The following CATSPERE variants were observed in gnomAD, a reference collection of about 807,000 sequenced individuals.
CATSPERE encodes cation channel sperm-associated auxiliary subunit epsilon.
Under a neutral mutation model 114.1 loss-of-function variants are expected in CATSPERE, and 93 were observed. That is an observed-to-expected ratio of 0.81 (90% CI 0.69 to 0.97). CATSPERE has a LOEUF of 0.97. CATSPERE is among the 50% of genes least tolerant of loss of function. The pLI, the probability that CATSPERE is intolerant of heterozygous loss-of-function variation, is 0.00. For missense variants in CATSPERE, 1,058 were observed against 1,131.6 expected, an observed-to-expected ratio of 0.93 and a Z score of 0.93; for synonymous variants, 341 against 384.1, an observed-to-expected ratio of 0.89 and a Z score of 1.31.
chr1:244,537,464 G>T (rs1417690237), intron 8 of CATSPERE, among the ~76,000 whole-genome samples: 1 of 152,102 alleles, frequency 6.6e-6, no homozygotes, highest in African/African-American at 2.4e-5. Context: ...TCTGGTTTTG[G>T]TTATTAGGGC....
At chr1:244,556,125 G>C (rs1363214463) in intron 9 of CATSPERE, among the ~76,000 whole-genome samples, 1 of 152,116 alleles carries the variant, frequency 6.6e-6, no homozygotes, top group Non-Finnish European at 1.5e-5. Context: ...TTGAGCCCAG[G>C]AGTTCAAGGC....
At chr1:244,611,120 A>G (rs2148692533) in intron 19 of CATSPERE, among the ~76,000 whole-genome samples, 1 of 152,222 alleles carries the variant, frequency 6.6e-6, no homozygotes, top group South Asian at 2.1e-4. Flanking sequence ...TACATAGCCT[A>G]CTTTCAAAAT....
chr1:244,586,734 G>A (rs928928127), intron 13 of CATSPERE, among the ~76,000 whole-genome samples: 11 of 152,104 alleles, frequency 7.2e-5, no homozygotes, highest in Non-Finnish European at 1.3e-4. Flanking sequence ...GATTTGCTTT[G>A]TGGAAATGTG....
intron 20 of CATSPERE, among the ~76,000 whole-genome samples, chr1:244,621,998 T>C (rs1672459054): frequency 6.6e-6 from 1 of 152,226 alleles, no homozygotes; most frequent in Admixed American, 6.5e-5. Flanking sequence ...AATGTACTTA[T>C]TAGGCCCCAA....
At chr1:244,460,921 C>A (rs1196520634), upstream of CATSPERE, among the ~76,000 whole-genome samples, 1 of 152,184 alleles carries the variant, frequency 6.6e-6, no homozygotes, top group Non-Finnish European at 1.5e-5. Context: ...CTCTCAAAAA[C>A]AAACAACAAC....
intron 20 of CATSPERE, among the ~76,000 whole-genome samples, chr1:244,634,073 A>C (rs749337476): frequency 4.9e-4 from 75 of 152,250 alleles, no homozygotes; most frequent in Non-Finnish European, 2.5e-4. Flanking sequence ...CATGTTGCCC[A>C]GGCTGGTCTC....
intron 6 of CATSPERE, among the ~76,000 whole-genome samples, chr1:244,497,639 A>C (rs545634075): frequency 7.9e-5 from 12 of 152,156 alleles, no homozygotes; most frequent in African/African-American, 2.9e-4. Flanking sequence ...TCTACTAAAA[A>C]TATAAAAAAT....
chr1:244,524,443 C>G (rs1286372779), intron 8 of CATSPERE, among the ~76,000 whole-genome samples: 1 of 151,134 alleles, frequency 6.6e-6, no homozygotes, highest in African/African-American at 2.5e-5. Context: ...GACTTCATGT[C>G]TAAAACACCA....
At chr1:244,530,708 G>A (rs1003824662) in intron 8 of CATSPERE, among the ~76,000 whole-genome samples, 1 of 152,024 alleles carries the variant, frequency 6.6e-6, no homozygotes. Context: ...ATATTTTATA[G>A]TTTTCATTGC....
intron 8 of CATSPERE, among the ~76,000 whole-genome samples, chr1:244,547,652 C>T (rs3000690): frequency 0.87 from 132,323 of 152,144 alleles, 58,520 homozygotes; most frequent in East Asian, 1. Flanking sequence ...GTGTAAGCCT[C>T]ATGGTAACCA....
chr1:244,614,772 G>A (rs1671164611), intron 19 of CATSPERE, among the ~76,000 whole-genome samples: 1 of 152,126 alleles, frequency 6.6e-6, no homozygotes, highest in Non-Finnish European at 1.5e-5. Context: ...TAAAGGGTAA[G>A]CAACCTTCTC....
At chr1:244,580,174 T>G (rs1665950397) in intron 11 of CATSPERE, among the ~76,000 whole-genome samples, 1 of 151,724 alleles carries the variant, frequency 6.6e-6, no homozygotes, top group South Asian at 2.1e-4. Flanking sequence ...GTAATTGGGA[T>G]TACAGGTGCA....
intron 5 of CATSPERE, among the ~76,000 whole-genome samples, chr1:244,487,565 C>T (rs1671300692): frequency 6.6e-6 from 1 of 152,166 alleles, no homozygotes; most frequent in African/African-American, 2.4e-5. Context: ...TGCTGCCAGC[C>T]AGCATGGGAC....
At chr1:244,541,346 G>T (rs1160433672) in intron 8 of CATSPERE, among the ~76,000 whole-genome samples, 2 of 149,818 alleles carry the variant, frequency 1.3e-5, no homozygotes, top group African/African-American at 4.9e-5. Context: ...AGTGGGCGAA[G>T]GACATGAACA....
intron 8 of CATSPERE, among the ~76,000 whole-genome samples, chr1:244,542,837 A>T (rs1370947393): frequency 3.3e-5 from 5 of 152,194 alleles, no homozygotes; most frequent in African/African-American, 1.2e-4. Context: ...GATTCCAAAC[A>T]ACAATACAAT....
At chr1:244,637,671 C>T (rs1674802450) in intron 21 of CATSPERE, among the ~76,000 whole-genome samples, 1 of 152,140 alleles carries the variant, frequency 6.6e-6, no homozygotes, top group African/African-American at 2.4e-5. Context: ...TACCAGTACA[C>T]CCTCACCCCT....
chr1:244,613,953 GCAGTTTTAT>G (rs955736778), intron 19 of CATSPERE, among the ~76,000 whole-genome samples: 10 of 152,096 alleles, frequency 6.6e-5, no homozygotes, highest in Admixed American at 1.3e-4. Context: ...AGTGGGACCG[GCAGTTTTAT>G]CACAATAGGA....
intron 20 of CATSPERE, among the ~76,000 whole-genome samples, chr1:244,623,566 G>T (rs564160029): frequency 6.6e-6 from 1 of 152,204 alleles, no homozygotes; most frequent in South Asian, 2.1e-4. Flanking sequence ...TAATCAACCT[G>T]TCACCAGATG....
At chr1:244,599,526 T>C (rs1348141307) in intron 17 of CATSPERE, among the ~76,000 whole-genome samples, 1 of 152,222 alleles carries the variant, frequency 6.6e-6, no homozygotes, top group Non-Finnish European at 1.5e-5. Flanking sequence ...TGACCCGGAT[T>C]ATTACAACAG....
Sources: allele counts gnomAD v4.1 joint callset (sites outside exome capture counted in the v4.1 genomes callset), GRCh38; gene constraint gnomAD v4.1.1; transcripts MANE v1.5; gene names NCBI Gene and HGNC (gene_info 2026-07-23, HGNC 2026-07-21).